CIT: variants seen among roughly 807,000 people sequenced by gnomAD.
CIT encodes the protein citron Rho-interacting kinase.
Under a neutral mutation model 272.7 loss-of-function variants are expected in CIT, and 79 were observed. The ratio of observed to expected loss-of-function variants is 0.29; its 90% CI spans 0.24 to 0.35. The LOEUF is 0.35. Ranked by LOEUF, CIT falls within the 10% of genes least tolerant of loss-of-function variation. The probability of loss-of-function intolerance (pLI) is 1.00; values close to 1 mark genes in which losing one functional copy is unlikely to be tolerated. For missense variants in CIT, 1,909 were observed against 2,618.3 expected, an observed-to-expected ratio of 0.73 and a Z score of 5.91; for synonymous variants, 948 against 995.6, an observed-to-expected ratio of 0.95 and a Z score of 0.90.
intron 28 of CIT, among the ~76,000 whole-genome samples, chr12:119,726,281 C>T (rs1031673516): frequency 6.6e-6 from 1 of 151,708 alleles, no homozygotes; most frequent in Non-Finnish European, 1.5e-5. Flanking sequence ...TGCAGTGGTA[C>T]CATCAGAGCT....
chr12:119,809,611 C>G (rs1321240744), intron 9 of CIT, among the ~76,000 whole-genome samples: 2 of 152,186 alleles, frequency 1.3e-5, no homozygotes, highest in African/African-American at 4.8e-5. Context: ...CTGCTCAAGG[C>G]AGGACTCTAA....
intron 41 of CIT, 46 bp from the exon 42 acceptor site, chr12:119,702,004 G>A (rs767968421): frequency 1.3e-5 from 19 of 1,431,588 alleles, no homozygotes; most frequent in South Asian, 5.7e-5. Flanking sequence ...GTAACACAGG[G>A]CAGCCAAGGT....
In CIT at chr12:119,772,878, C is replaced by T. The variant is rs1963324843; in HGVS notation, c.1974G>A (p.Leu658=). ...AVKASTEATE[L]LQNIRQAKER... ...CCTTTGCCTGGCGGATATTCTGCAG[C>T]AGCTCGGTGGCCTCCGTGCTGGCTT... Residue 658 remains leucine (L), a synonymous_variant, in exon 17 of 48, where the codon CTG becomes CTA. Transcript: ENST00000392521. 5 of 1,613,942 alleles carry T rather than the reference C, an allele frequency of 3.1e-6. No homozygotes were observed. Among genetic ancestry groups the T allele is most frequent in the African/African-American group, 1.3e-5 (1 of 74,924 alleles).
At chr12:119,695,596 G>A (rs1018234654) in intron 46 of CIT, among the ~76,000 whole-genome samples, 1 of 152,160 alleles carries the variant, frequency 6.6e-6, no homozygotes, top group African/African-American at 2.4e-5. Flanking sequence ...AGGAGTTTGA[G>A]ACCAGCCTGG....
intron 16 of CIT, among the ~76,000 whole-genome samples, chr12:119,773,558 C>T (rs926395681): frequency 1.3e-5 from 2 of 152,098 alleles, no homozygotes; most frequent in African/African-American, 4.8e-5. Context: ...CTCAGCCTCC[C>T]GAGTAGCTAG....
chr12:119,740,160 A>C (rs1172988432), intron 24 of CIT, among the ~76,000 whole-genome samples: 1 of 152,222 alleles, frequency 6.6e-6, no homozygotes, highest in Non-Finnish European at 1.5e-5. Flanking sequence ...AGGCCCCCAT[A>C]GGCTTCGCCA....
At chr12:119,854,031 A>T (rs73418580) in intron 4 of CIT, among the ~76,000 whole-genome samples, 9,403 of 145,864 alleles carry the variant, frequency 0.064, 544 homozygotes, top group African/African-American at 0.15. Context: ...TACATAATTT[A>T]TTTTTTTTTT....
intron 16 of CIT, 132 bp downstream of exon 16, chr12:119,775,654 C>T (rs1441007367): frequency 7.5e-6 from 5 of 663,108 alleles, no homozygotes; most frequent in Non-Finnish European, 8.0e-6. Flanking sequence ...TAATCGCTCA[C>T]TCCCCCTTCA....
chr12:119,699,876 G>A (rs527634241), intron 44 of CIT: 22 of 456,042 alleles, frequency 4.8e-5, no homozygotes, highest in Admixed American at 3.1e-4. Flanking sequence ...GGGCCACGAC[G>A]GCATTTCAGA....
At chr12:119,748,394 G>C (rs1959749738) in intron 23 of CIT, among the ~76,000 whole-genome samples, 1 of 152,232 alleles carries the variant, frequency 6.6e-6, no homozygotes. Flanking sequence ...CCTTGAGGGA[G>C]CAAAATATCT....
At chr12:119,808,366 T>C (rs745834044) in intron 9 of CIT, among the ~76,000 whole-genome samples, 1 of 152,196 alleles carries the variant, frequency 6.6e-6, no homozygotes, top group Non-Finnish European at 1.5e-5. Context: ...ATTTAATGTT[T>C]AATATCTATT....
At chr12:119,805,216 G>T (rs558863378) in intron 9 of CIT, among the ~76,000 whole-genome samples, 8 of 152,344 alleles carry the variant, frequency 5.3e-5, no homozygotes, top group African/African-American at 1.7e-4. Flanking sequence ...TGGAAGCAAA[G>T]TGGTTAATGG....
rs928178379 is a variant in CIT, at chr12:119,690,498, C to T, written c.5883-44G>A. 2 of 1,503,466 alleles carry T rather than the reference C, an allele frequency of 1.3e-6. No individual in the cohort carries two copies. The highest frequency in any genetic ancestry group is 1.8e-6 in the Non-Finnish European group (2 of 1,136,704). The allele number at this position is 1,503,466 out of a possible 1,614,324, so 93.1% of individuals were successfully genotyped here. A position where few individuals can be genotyped will look rare whatever the true frequency, so the allele number is the denominator to read the frequency against. On this transcript the variant is annotated intron_variant, in intron 46 of 47. Coordinates refer to ENST00000392521, the MANE Select transcript of CIT (RefSeq NM_001206999.2). This position sits in a 1 kb window ranked among gnomAD's most constrained non-coding sequence, Gnocchi z 6.0. ...CGTAGGGAGCTGCGAGGCCACAACC[C>T]CAGAGGGGCATTTTCCTTCTTACCT...
chr12:119,718,883 T>C lies in CIT; in HGVS notation c.3841-22A>G, dbSNP rs764801088. 27 of 1,611,558 alleles carry C rather than the reference T, an allele frequency of 1.7e-5. No individual in the cohort carries two copies. Among genetic ancestry groups the C allele is most frequent in the Non-Finnish European group, 2.1e-5 (25 of 1,178,402 alleles). On this transcript the variant is annotated intron_variant, in intron 30 of 47. Coordinates refer to ENST00000392521, the MANE Select transcript of CIT (RefSeq NM_001206999.2). This position sits in a 1 kb window ranked among gnomAD's most constrained non-coding sequence, Gnocchi z 4.8. ...AACCCTAGCAATGGAAACAGAGATA[T>C]CTCCTAACTCCTGGAAACTGGCACT...
intron 13 of CIT, among the ~76,000 whole-genome samples, chr12:119,778,989 G>A (rs1964046180): frequency 6.6e-6 from 1 of 152,198 alleles, no homozygotes; most frequent in Non-Finnish European, 1.5e-5. Flanking sequence ...GGGAGCCCGA[G>A]GTGGCGGATC....
Position 119,784,309 on chromosome 12 carries a change from G to A in CIT, c.1402-258C>T, listed in dbSNP as rs954705364. 109 of 1,496,576 alleles carry A rather than the reference G, an allele frequency of 7.3e-5. No homozygotes were observed. Among genetic ancestry groups the A allele is most frequent in the South Asian group, 2.8e-4 (24 of 85,448 alleles). The allele number at this position is 1,496,576 out of a possible 1,614,324, so 92.7% of individuals were successfully genotyped here. On this transcript the variant is annotated intron_variant, in intron 11 of 47. Transcript: ENST00000392521. The surrounding 1 kb of genome is among the most constrained non-coding windows in gnomAD (Gnocchi z 4.7). ...TCACTTCTCTAACCCAGTTAGCAAG[G>A]AAGCCACAATCATCATTTTTCACCT...
At chr12:119,824,108 GTATATATATATATATATATATA>G (rs59234933) in intron 8 of CIT, among the ~76,000 whole-genome samples, 3 of 125,514 alleles carry the variant, frequency 2.4e-5, no homozygotes, top group African/African-American at 5.8e-5. Flanking sequence ...TAGTTTTACT[GTATATATATATATATATATATA>G]TATATATATA....
At chr12:119,699,117 ATGGT>A (rs1333267863) in intron 44 of CIT, among the ~76,000 whole-genome samples, 3 of 151,990 alleles carry the variant, frequency 2.0e-5, no homozygotes, top group Non-Finnish European at 4.4e-5. Context: ...TTAGCCGGGT[ATGGT>A]GACAGGCGCC....
At chr12:119,801,414 A>T (rs1266845319) in intron 10 of CIT, among the ~76,000 whole-genome samples, 1 of 152,172 alleles carries the variant, frequency 6.6e-6, no homozygotes, top group Non-Finnish European at 1.5e-5. Context: ...AAAAATAAGC[A>T]ATTAATCACA....
Sources: gnomAD v4.1 joint callset for allele counts (sites outside exome capture counted in the v4.1 genomes callset) on GRCh38, gnomAD v4.1.1 for gene constraint, Gnocchi (gnomAD v3.1) non-coding constraint, MANE v1.5 for transcripts, NCBI Gene and HGNC (gene_info 2026-07-23, HGNC 2026-07-21) for gene names.